The following HOMER1 variants were observed in gnomAD, a reference collection of about 807,000 sequenced individuals.
The protein encoded by HOMER1 is homer scaffold protein 1, also known as homer protein homolog 1.
HOMER1 carries 3 observed loss-of-function variants against 48.9 expected under a neutral mutation model. The ratio of observed to expected loss-of-function variants is 0.06; its 90% CI spans 0.03 to 0.16. The LOEUF (loss-of-function observed/expected upper bound fraction) is 0.16, where lower values mean the gene tolerates loss of function less well. Among genes scored for constraint, HOMER1 ranks in the 10% least tolerant of loss-of-function variants. The pLI, the probability that HOMER1 is intolerant of heterozygous loss-of-function variation, is 1.00. For missense variants in HOMER1, 247 were observed against 411.4 expected (o/e 0.60, Z 3.46); for synonymous variants, 134 against 146.4 (o/e 0.92, Z 0.61).
At chr5:79,502,983 G>C (rs1253054599) in intron 1 of HOMER1, among the ~76,000 whole-genome samples, 2 of 97,408 alleles carry the variant, frequency 2.1e-5, no homozygotes, top group African/African-American at 9.1e-5. Flanking sequence ...GTAGAGACAG[G>C]GTTTCACCGT....
chr5:79,508,735 GCCC>G (rs1352296443), intron 1 of HOMER1, among the ~76,000 whole-genome samples: 1 of 152,044 alleles, frequency 6.6e-6, no homozygotes, highest in Non-Finnish European at 1.5e-5. Context: ...AGCAGCTAAT[GCCC>G]CCCCAACACA....
chr5:79,429,343 C>T (rs1750357697), intron 5 of HOMER1, among the ~76,000 whole-genome samples: 1 of 152,042 alleles, frequency 6.6e-6, no homozygotes, highest in Non-Finnish European at 1.5e-5. Context: ...CCACTGCACT[C>T]CAGTTTGGGT....
intron 1 of HOMER1, among the ~76,000 whole-genome samples, chr5:79,491,075 CAA>C (rs10527802): frequency 3.9e-3 from 146 of 37,110 alleles, no homozygotes; most frequent in Non-Finnish European, 7.0e-3. Context: ...AGTACCAAAG[CAA>C]AAAAAAAAAA....
intron 8 of HOMER1, among the ~76,000 whole-genome samples, chr5:79,379,044 G>A (rs1168650779): frequency 8.5e-6 from 1 of 117,026 alleles, no homozygotes; most frequent in Non-Finnish European, 1.7e-5. Flanking sequence ...CAGAAGCCAT[G>A]GTGAGTGGCA....
intron 1 of HOMER1, among the ~76,000 whole-genome samples, chr5:79,471,607 G>C (rs1751624284): frequency 6.6e-6 from 1 of 150,824 alleles, no homozygotes; most frequent in Non-Finnish European, 1.5e-5. Context: ...CCTTGTGCCA[G>C]TGTTTCTCAA....
intron 5 of HOMER1, among the ~76,000 whole-genome samples, chr5:79,411,264 C>T (rs1025738483): frequency 3.9e-5 from 6 of 152,128 alleles, no homozygotes; most frequent in Non-Finnish European, 8.8e-5. Context: ...GAGGGCAGAT[C>T]GCTTGAGCTC....
In HOMER1 at chr5:79,444,123, C is replaced by T. The variant is rs144442474; in HGVS notation, c.387+2930G>A. 4.8e-3 allele frequency among the ~76,000 whole-genome samples: 735 copies of T among 152,274 alleles called. 7 individuals are homozygous for T. The highest frequency in any genetic ancestry group is 0.017 in the African/African-American group (707 of 41,548). On this transcript the variant is annotated intron_variant, in intron 4 of 8. Coordinates refer to ENST00000334082, the MANE Select transcript of HOMER1 (RefSeq NM_004272.5). ...GTTCTTTTGCTAAATTCCAGAGTTA[C>T]GTTACATTCTTCAGGCAGCATTAAT...
At position 79,380,280 on chromosome 5, in the gene HOMER1, AC is replaced by A. The variant is rs201114269; in HGVS notation, c.877-4084del. On this transcript the variant is annotated intron_variant, in intron 8 of 8. Transcript: ENST00000334082. ...GTGACAGCACTGCTCTTGGGAGAGCACTAGCGCTGGGTGCCACACAACCCGA... is the reference window on the plus strand; with the variant it reads ...GTGACAGCACTGCTCTTGGGAGAGCATAGCGCTGGGTGCCACACAACCCGA... 6.6e-3 allele frequency among the ~76,000 whole-genome samples: 1,002 copies of A among 152,288 alleles called. 7 individuals are homozygous for A. Among genetic ancestry groups the A allele is most frequent in the African/African-American group, 0.023 (968 of 41,566 alleles).
intron 8 of HOMER1, among the ~76,000 whole-genome samples, chr5:79,378,221 T>TTAAAAAAAAAAAAAAA (rs756900477): frequency 1.0e-5 from 1 of 97,482 alleles, no homozygotes; most frequent in Admixed American, 1.2e-4. Flanking sequence ...AGACTCTGTC[T>TTAAAAAAAAAAAAAAA]CAAAAAAAAA....
chr5:79,485,707 T>C (rs1217382862), intron 1 of HOMER1, among the ~76,000 whole-genome samples: 1 of 151,966 alleles, frequency 6.6e-6, no homozygotes, highest in Non-Finnish European at 1.5e-5. Flanking sequence ...ACAAAGGCAA[T>C]GGAAAAAGAG....
At chr5:79,502,726 C>G (rs1580043761) in intron 1 of HOMER1, among the ~76,000 whole-genome samples, 3 of 152,200 alleles carry the variant, frequency 2.0e-5, no homozygotes, top group South Asian at 4.1e-4. Context: ...TCAGAATATA[C>G]AGTTAACCCT....
chr5:79,454,529 A>G (rs1483176120), intron 2 of HOMER1, among the ~76,000 whole-genome samples: 1 of 152,126 alleles, frequency 6.6e-6, no homozygotes, highest in African/African-American at 2.4e-5. Flanking sequence ...GTTACAAAAT[A>G]TGACAAAATT....
intron 1 of HOMER1, among the ~76,000 whole-genome samples, chr5:79,506,849 CA>C (rs895326142): frequency 2.2e-5 from 3 of 135,216 alleles, no homozygotes; most frequent in African/African-American, 9.6e-5. Flanking sequence ...ACCAAACAAA[CA>C]AAAAAATATA....
At chr5:79,405,102 C>T (rs1345059131) in intron 5 of HOMER1, among the ~76,000 whole-genome samples, 7 of 151,942 alleles carry the variant, frequency 4.6e-5, no homozygotes. Flanking sequence ...CACAGTATGA[C>T]TGTATTTGGA....
chr5:79,477,833 G>C lies in HOMER1; in HGVS notation c.6-20815C>G, dbSNP rs186773624. On this transcript the variant is annotated intron_variant, in intron 1 of 8. Transcript: ENST00000334082. ...CTAAATCTAAGTTTAGCCAGGAGTT[G>C]TAAGTATGCTTCACAAGATTTTTTT... is the stretch of plus-strand genomic sequence containing the variant. 2.4e-3 allele frequency among the ~76,000 whole-genome samples: 357 copies of C among 151,614 alleles called. 4 individuals are homozygous for C. Among genetic ancestry groups the C allele is most frequent in the Non-Finnish European group, 1.3e-3 (91 of 67,982 alleles).
At position 79,440,039 on chromosome 5, in the gene HOMER1, C is replaced by CA. The variant is rs374129519; in HGVS notation, c.388-891dup. On this transcript the variant is annotated intron_variant, in intron 4 of 8. Coordinates refer to ENST00000334082, the MANE Select transcript of HOMER1 (RefSeq NM_004272.5). ...TGGTGGACCTCTTATGATCCCTGGG[C>CA]AAAAAAATGTTACAATTGAAATATC... Among the ~76,000 whole-genome samples, 37 of 150,978 alleles carry CA rather than the reference C, an allele frequency of 2.5e-4. 1 individual carries two copies. Among genetic ancestry groups the CA allele is most frequent in the African/African-American group, 8.8e-4 (36 of 41,106 alleles).
At chr5:79,484,210 T>C (rs934947153) in intron 1 of HOMER1, among the ~76,000 whole-genome samples, 12 of 152,058 alleles carry the variant, frequency 7.9e-5, no homozygotes, top group African/African-American at 2.9e-4. Context: ...ATGTATACTA[T>C]AAACCCTAAA....
intron 8 of HOMER1, among the ~76,000 whole-genome samples, chr5:79,380,954 C>G (rs187461325): frequency 9.2e-5 from 14 of 152,172 alleles, no homozygotes; most frequent in Non-Finnish European, 1.6e-4. Flanking sequence ...CTGCCATCGT[C>G]CATACTACAC....
chr5:79,393,643 T>A (rs1277495429), intron 8 of HOMER1, among the ~76,000 whole-genome samples: 3 of 152,194 alleles, frequency 2.0e-5, no homozygotes, highest in African/African-American at 7.2e-5. Flanking sequence ...GCATAAGAAA[T>A]TTTAAAACAT....
Sources: allele counts gnomAD v4.1 joint callset (sites outside exome capture counted in the v4.1 genomes callset), GRCh38; gene constraint gnomAD v4.1.1; transcripts MANE v1.5; gene names NCBI Gene and HGNC (gene_info 2026-07-23, HGNC 2026-07-21).